FARS2: variants seen among roughly 807,000 people sequenced by gnomAD.
FARS2 encodes phenylalanyl-tRNA synthetase 2, mitochondrial.
A neutral mutation model predicts 46.4 loss-of-function variants in FARS2; 40 were observed. The observed-to-expected ratio is 0.86, with a 90% CI of 0.67 to 1.12. FARS2 has a LOEUF of 1.12. Ranked by LOEUF, FARS2 falls within the 50% of genes most tolerant of loss-of-function variation. The pLI is 0.00. For missense variants in FARS2, 513 were observed against 567.9 expected (o/e 0.90, Z 0.98); for synonymous variants, 234 against 214.9 (o/e 1.09, Z -0.78).
intron 6 of FARS2, among the ~76,000 whole-genome samples, chr6:5,748,667 C>T (rs1373185363): frequency 6.6e-6 from 1 of 152,226 alleles, no homozygotes; most frequent in African/African-American, 2.4e-5. Context: ...TTCAAAGACA[C>T]ACTACTAGTC....
intron 1 of FARS2, among the ~76,000 whole-genome samples, chr6:5,361,581 A>G (rs1036496378): frequency 1.1e-4 from 16 of 152,240 alleles, no homozygotes; most frequent in African/African-American, 3.6e-4. Flanking sequence ...ACTAGTCAGC[A>G]GGAGCAAAAG....
chr6:5,546,200 CAAGAG>C (rs1770975959), intron 5 of FARS2, among the ~76,000 whole-genome samples: 1 of 149,962 alleles, frequency 6.7e-6, no homozygotes, highest in African/African-American at 2.5e-5. Flanking sequence ...AAATTTTATG[CAAGAG>C]AAAAGATATT....
intron 4 of FARS2, among the ~76,000 whole-genome samples, chr6:5,447,466 A>T (rs1440021019): frequency 6.6e-6 from 1 of 152,172 alleles, no homozygotes; most frequent in Non-Finnish European, 1.5e-5. Flanking sequence ...TTTTACCCCC[A>T]TTCTCTACCT....
intron 6 of FARS2, among the ~76,000 whole-genome samples, chr6:5,634,778 G>A (rs576137277): frequency 2.0e-5 from 3 of 152,308 alleles, no homozygotes; most frequent in African/African-American, 7.2e-5. Context: ...AGGCCACAGT[G>A]TAGCCAGAAG....
intron 6 of FARS2, among the ~76,000 whole-genome samples, chr6:5,689,191 C>A (rs151245626): frequency 2.0e-5 from 3 of 152,268 alleles, no homozygotes; most frequent in African/African-American, 7.2e-5. Context: ...TTTTTTGTGT[C>A]TCTATTTCCT....
At chr6:5,624,010 T>G (rs1481136149) in intron 6 of FARS2, among the ~76,000 whole-genome samples, 1 of 152,160 alleles carries the variant, frequency 6.6e-6, no homozygotes, top group Non-Finnish European at 1.5e-5. Context: ...CTCCTTGAAA[T>G]TGGCAGCATG....
chr6:5,417,509 G>T (rs1212099531), intron 3 of FARS2, among the ~76,000 whole-genome samples: 1 of 152,192 alleles, frequency 6.6e-6, no homozygotes, highest in Non-Finnish European at 1.5e-5. Context: ...TTACAGGTAT[G>T]AGCCACTGTG....
intron 5 of FARS2, among the ~76,000 whole-genome samples, chr6:5,578,807 TCA>T (rs1773144742): frequency 2.3e-5 from 1 of 43,056 alleles, no homozygotes; most frequent in African/African-American, 1.2e-4. Context: ...GCACTCCGTC[TCA>T]AAAAAAAAAA....
At chr6:5,448,229 G>A (rs902220814) in intron 4 of FARS2, among the ~76,000 whole-genome samples, 1 of 152,138 alleles carries the variant, frequency 6.6e-6, no homozygotes, top group Non-Finnish European at 1.5e-5. Context: ...CAGTAGAGAC[G>A]TATTTGGGAA....
At chr6:5,319,071 G>A (rs1025456159) in intron 1 of FARS2, among the ~76,000 whole-genome samples, 5 of 152,130 alleles carry the variant, frequency 3.3e-5, no homozygotes, top group African/African-American at 9.7e-5. Context: ...GGTTGTGAGA[G>A]TAGATAGCTA....
At chr6:5,530,348 A>G (rs948587993) in intron 4 of FARS2, among the ~76,000 whole-genome samples, 1 of 152,210 alleles carries the variant, frequency 6.6e-6, no homozygotes, top group African/African-American at 2.4e-5. Flanking sequence ...GAATGGTCCT[A>G]GATTAATAAA....
intron 1 of FARS2, among the ~76,000 whole-genome samples, chr6:5,312,838 CT>C (rs1233819893): frequency 6.6e-6 from 1 of 152,274 alleles, no homozygotes; most frequent in Middle Eastern, 3.4e-3. Flanking sequence ...ACATCTGGGG[CT>C]TCCTGTTGGT....
chr6:5,314,026 TA>T (rs1265935225), intron 1 of FARS2, among the ~76,000 whole-genome samples: 1 of 152,184 alleles, frequency 6.6e-6, no homozygotes, highest in African/African-American at 2.4e-5. Context: ...GCCAGTTTAT[TA>T]AGGGTCTTAC....
intron 6 of FARS2, among the ~76,000 whole-genome samples, chr6:5,723,098 G>A (rs974257021): frequency 6.6e-6 from 1 of 152,068 alleles, no homozygotes; most frequent in African/African-American, 2.4e-5. Context: ...CGGTTCTGGG[G>A]GTGAGTGGGG....
At chr6:5,620,937 T>G (rs1775741003) in intron 6 of FARS2, among the ~76,000 whole-genome samples, 2 of 152,240 alleles carry the variant, frequency 1.3e-5, no homozygotes, top group Admixed American at 1.3e-4. Flanking sequence ...TATTTTCTCT[T>G]TCACCTGAAC....
rs59798618 is a variant in FARS2 at position 5,394,094 on chromosome 6, A to G, written c.613-10448A>G. ...TAACTACATAATGACATTACTGTCA[A>G]AGAGGGGACTATTTAAGCTTCAGAA... On this transcript the variant is annotated intron_variant, in intron 2 of 6. Transcript: ENST00000274680. Among the ~76,000 whole-genome samples the G allele has an allele frequency of 9.8e-3, 1,494 of 152,326 alleles. 36 individuals are homozygous for G. Among genetic ancestry groups the G allele is most frequent in the African/African-American group, 0.034 (1,402 of 41,586 alleles).
intron 1 of FARS2, among the ~76,000 whole-genome samples, chr6:5,322,689 A>G (rs1770067944): frequency 6.6e-6 from 1 of 152,202 alleles, no homozygotes; most frequent in Admixed American, 6.5e-5. Context: ...ACAGAGGGAC[A>G]GTGGGGCTTG....
chr6:5,613,862 C>T (rs1236431617), intron 6 of FARS2, among the ~76,000 whole-genome samples: 1 of 152,084 alleles, frequency 6.6e-6, no homozygotes, highest in South Asian at 2.1e-4. Context: ...CATTGGGTGT[C>T]ATCAAAAAAC....
intron 6 of FARS2, among the ~76,000 whole-genome samples, chr6:5,770,142 G>A (rs1421415534): frequency 6.6e-6 from 1 of 152,218 alleles, no homozygotes; most frequent in Non-Finnish European, 1.5e-5. Flanking sequence ...CTGGACTCAG[G>A]TGGCATCAAT....
Sources: gnomAD v4.1 joint callset for allele counts (sites outside exome capture counted in the v4.1 genomes callset) on GRCh38, gnomAD v4.1.1 for gene constraint, MANE v1.5 for transcripts, NCBI Gene and HGNC (gene_info 2026-07-23, HGNC 2026-07-21) for gene names.